Variants in DLGAP1 observed in about 807,000 individuals in gnomAD.
The protein encoded by DLGAP1 is DLG associated protein 1.
DLGAP1 carries 11 observed loss-of-function variants against 90.8 expected under a neutral mutation model. The ratio of observed to expected loss-of-function variants is 0.12; its 90% CI spans 0.08 to 0.20. The LOEUF (loss-of-function observed/expected upper bound fraction) is 0.20, where lower values mean the gene tolerates loss of function less well. Ranked by LOEUF, DLGAP1 falls within the 10% of genes least tolerant of loss-of-function variation. DLGAP1 has a pLI of 1.00. For missense variants in DLGAP1, 1,050 were observed against 1,333.8 expected (o/e 0.79, Z 3.31); for synonymous variants, 558 against 540.7 (o/e 1.03, Z -0.44).
intron 1 of DLGAP1, among the ~76,000 whole-genome samples, chr18:4,357,157 C>CTTTTTTTTTTTTTTTTTTTTTTTTTT (rs554248097): frequency 1.8e-5 from 2 of 108,744 alleles, no homozygotes; most frequent in Non-Finnish European, 3.5e-5. Context: ...TGTTTTTTTC[C>CTTTTTTTTTTTTTTTTTTTTTTTTTT]TTTTTTTTTT....
intron 7 of DLGAP1, among the ~76,000 whole-genome samples, chr18:3,678,441 C>T (rs1002293136): frequency 1.3e-5 from 2 of 151,996 alleles, no homozygotes; most frequent in East Asian, 1.9e-4. Flanking sequence ...TCTCCTTTAC[C>T]GTTGTGTTTG....
intron 1 of DLGAP1, among the ~76,000 whole-genome samples, chr18:4,347,446 T>C (rs2081320695): frequency 6.6e-6 from 1 of 152,024 alleles, no homozygotes; most frequent in African/African-American, 2.4e-5. Flanking sequence ...GCAAAAGTAC[T>C]AAAATAAATG....
At chr18:4,063,421 C>G (rs1023349771) in intron 2 of DLGAP1, among the ~76,000 whole-genome samples, 2 of 152,138 alleles carry the variant, frequency 1.3e-5, no homozygotes, top group East Asian at 3.9e-4. Flanking sequence ...AAGAGAGGAT[C>G]TTTTATTCTG....
intron 1 of DLGAP1, among the ~76,000 whole-genome samples, chr18:4,250,790 A>G (rs2078763218): frequency 6.6e-6 from 1 of 152,196 alleles, no homozygotes; most frequent in Non-Finnish European, 1.5e-5. Flanking sequence ...GATTTCAAAA[A>G]TGTCATTCAA....
intron 1 of DLGAP1, among the ~76,000 whole-genome samples, chr18:4,410,135 A>G (rs2082745516): frequency 6.6e-6 from 1 of 152,174 alleles, no homozygotes; most frequent in South Asian, 2.1e-4. Flanking sequence ...GAATGATACA[A>G]TAGACTTCGG....
At chr18:3,688,644 C>T (rs2060787836) in intron 7 of DLGAP1, among the ~76,000 whole-genome samples, 1 of 149,916 alleles carries the variant, frequency 6.7e-6, no homozygotes, top group Non-Finnish European at 1.5e-5. Context: ...CACACACACA[C>T]ACACACACAC....
At position 3,745,576 on chromosome 18, in the gene DLGAP1, T is replaced by C. The variant is rs527367496; in HGVS notation, c.1173-3064A>G. ...TTTGAGAATCCACACGAAAATTAAA[T>C]GTGGTTGATGAGTAAGGAGGTCTAA... On this transcript the variant is annotated intron_variant, in intron 5 of 12. Transcript: ENST00000315677. Among the ~76,000 whole-genome samples, 2 of 152,260 alleles carry C rather than the reference T, an allele frequency of 1.3e-5. 1 individual carries two copies. Among genetic ancestry groups the C allele is most frequent in the South Asian group, 4.2e-4 (2 of 4,818 alleles).
chr18:3,568,972 C>A (rs1287022695), intron 8 of DLGAP1, among the ~76,000 whole-genome samples: 1 of 151,212 alleles, frequency 6.6e-6, no homozygotes, highest in Non-Finnish European at 1.5e-5. Context: ...AGCCATGAGC[C>A]ACCACGCCTG....
chr18:3,612,636 G>A (rs936947872), intron 7 of DLGAP1, among the ~76,000 whole-genome samples: 1 of 152,174 alleles, frequency 6.6e-6, no homozygotes. Context: ...CAGTTCATTC[G>A]TTAGTGGAAT....
intron 1 of DLGAP1, among the ~76,000 whole-genome samples, chr18:4,185,171 T>C (rs1054512870): frequency 5.3e-5 from 8 of 152,244 alleles, no homozygotes; most frequent in Non-Finnish European, 7.4e-5. Context: ...TCTAATATTT[T>C]ATTTTTAAAA....
intron 3 of DLGAP1, among the ~76,000 whole-genome samples, chr18:3,897,255 G>A (rs2071648478): frequency 2.0e-5 from 3 of 152,178 alleles, no homozygotes; most frequent in Admixed American, 2.0e-4. Flanking sequence ...TAAGCTCAAG[G>A]CCGTAGCTAC....
At chr18:4,223,375 C>T (rs2078119203) in intron 1 of DLGAP1, among the ~76,000 whole-genome samples, 1 of 152,130 alleles carries the variant, frequency 6.6e-6, no homozygotes, top group African/African-American at 2.4e-5. Context: ...AAGAACAGAT[C>T]CATGTTTGAA....
At chr18:3,814,304 T>G in intron 4 of DLGAP1, 31 bp from the exon 5 acceptor site, 1 of 1,581,326 alleles carries the variant, frequency 6.3e-7, no homozygotes, top group South Asian at 1.1e-5. Context: ...TAAATCACTT[T>G]TTATAAAAGC....
Position 4,220,471 on chromosome 18 carries a change from G to A in DLGAP1, c.-266-69184C>T, listed in dbSNP as rs368885742. The stretch of plus-strand genomic sequence containing the variant: ...GCAAGCACAGGTGGGGAAATCAGAA[G>A]AGGGTGGATGGCGACACTGTAAATT... On this transcript the variant is annotated intron_variant, in intron 1 of 12. Coordinates refer to ENST00000315677, the MANE Select transcript of DLGAP1 (RefSeq NM_004746.4). Among the ~76,000 whole-genome samples the A allele has an allele frequency of 5.3e-5, 8 of 152,278 alleles. No homozygotes were observed. In the East Asian group the frequency reaches 1.4e-3, roughly 26 times the overall value.
Position 3,519,887 on chromosome 18 carries a change from A to C in DLGAP1, c.2480-11226T>G, listed in dbSNP as rs142503460. Among the ~76,000 whole-genome samples, 702 of 152,260 alleles carry C rather than the reference A, an allele frequency of 4.6e-3. 6 individuals are homozygous for C. Among genetic ancestry groups the C allele is most frequent in the African/African-American group, 0.015 (614 of 41,550 alleles). On this transcript the variant is annotated intron_variant, in intron 10 of 12. Coordinates refer to ENST00000315677, the MANE Select transcript of DLGAP1 (RefSeq NM_004746.4). ...TGAGAAGTAAATTTGTATTATTTAA[A>C]AATTACCCAGTCTTGAGCATTAGGA...
At chr18:3,679,724 A>G (rs1384833177) in intron 7 of DLGAP1, 1 of 151,796 alleles carries the variant, frequency 6.6e-6, no homozygotes, top group Non-Finnish European at 1.5e-5. Context: ...AGGATTGTTG[A>G]GCCCAGGAGT....
At chr18:4,215,851 G>A (rs1248665932) in intron 1 of DLGAP1, among the ~76,000 whole-genome samples, 2 of 152,092 alleles carry the variant, frequency 1.3e-5, no homozygotes, top group Non-Finnish European at 2.9e-5. Flanking sequence ...CCTGCCAAAA[G>A]TGGGAGCAGG....
At chr18:3,666,688 G>A (rs1272426656) in intron 7 of DLGAP1, among the ~76,000 whole-genome samples, 1 of 152,184 alleles carries the variant, frequency 6.6e-6, no homozygotes, top group African/African-American at 2.4e-5. Flanking sequence ...CTCCTGAGAT[G>A]TTCAAGTAGC....
intron 7 of DLGAP1, among the ~76,000 whole-genome samples, chr18:3,678,435 C>T (rs1387257045): frequency 6.6e-6 from 1 of 152,078 alleles, no homozygotes; most frequent in African/African-American, 2.4e-5. Context: ...CCCATCTCTC[C>T]TTTACCGTTG....
Sources: allele counts gnomAD v4.1 joint callset (sites outside exome capture counted in the v4.1 genomes callset), GRCh38; gene constraint gnomAD v4.1.1; transcripts MANE v1.5; gene names NCBI Gene and HGNC (gene_info 2026-07-23, HGNC 2026-07-21).